COMP: variants seen among roughly 807,000 people sequenced by gnomAD.
The protein encoded by COMP is cartilage oligomeric matrix protein, also known as cartilage oligomeric matrix protein (pseudoachondroplasia, epiphyseal dysplasia 1, multiple).
COMP carries 79 observed loss-of-function variants against 95.8 expected under a neutral mutation model. That is an observed-to-expected ratio of 0.82 (90% confidence interval 0.69 to 0.99). COMP has a LOEUF of 0.99. Among genes scored for constraint, COMP ranks in the 50% least tolerant of loss-of-function variants. The pLI is 0.00. For synonymous variants in COMP, 438 were observed against 433.9 expected (o/e 1.01, Z -0.12); for missense variants, 906 against 1,076.1 (o/e 0.84, Z 2.21).
chr19:18,789,090 A>T lies in COMP; in HGVS notation c.528+70T>A. On this transcript the variant is annotated intron_variant, in intron 5 of 18. Coordinates refer to ENST00000222271, the MANE Select transcript of COMP (RefSeq NM_000095.3). This position sits in a 1 kb window ranked among gnomAD's most constrained non-coding sequence, Gnocchi z 6.1. ...CCCGCTGGAAGGAGGCTGGAAGAGG[A>T]GTTTACTGGTAAACAAAATGGACGC... The T allele has an allele frequency of 6.4e-7, 1 of 1,562,312 alleles. No individual in the cohort carries two copies. The highest frequency in any genetic ancestry group is 1.4e-5 in the African/African-American group (1 of 73,718).
Position 18,784,783 on chromosome 19 carries a change from G to T in COMP, c.1914+113C>A. On this transcript the variant is annotated intron_variant, in intron 16 of 18. Transcript: ENST00000222271. The surrounding 1 kb of genome is among the most constrained non-coding windows in gnomAD (Gnocchi z 4.9). ...AGAGGAGGGCTGGGACAGCTTTGAG[G>T]TCCATAGTATGAGGCTAGGGGGCTG... The T allele has an allele frequency of 8.3e-7, 1 of 1,198,762 alleles. No homozygotes were observed. The highest frequency in any genetic ancestry group is 1.2e-6 in the Non-Finnish European group (1 of 822,680). 74.3% of individuals were successfully genotyped at this position (1,198,762 alleles called of 1,614,324 possible). A position where few individuals can be genotyped will look rare whatever the true frequency, so the allele number is the denominator to read the frequency against.
chr19:18,784,560 G>A lies in COMP; in HGVS notation c.1915-197C>T, dbSNP rs55780333. Among the ~76,000 whole-genome samples, 11,636 of 152,196 alleles carry A rather than the reference G, an allele frequency of 0.076. 540 individuals are homozygous for A. Among genetic ancestry groups the A allele is most frequent in the Admixed American group, 0.11 (1,683 of 15,288 alleles). On this transcript the variant is annotated intron_variant, in intron 16 of 18. Coordinates refer to ENST00000222271, the MANE Select transcript of COMP (RefSeq NM_000095.3). This position sits in a 1 kb window ranked among gnomAD's most constrained non-coding sequence, Gnocchi z 4.9. ...TCACAGGGGGCAGCAGTGGTCTGCA[G>A]GTTCATGAGAGGATTTGGGAGTCCG...
In COMP at chr19:18,789,289, GGC is replaced by G. The variant is rs2145904172; in HGVS notation, c.397_398del (p.Ala133ProfsTer52). Reference protein sequence around the residue: ...SHCTDVNECNAHPCFPRVRCI... With the variant: ...SHCTDVNECNXHPCFPRVRCI... ...AGCGGACTCGGGGGAAGCAGGGGTGGGCGTTGCACTGGGGGAGGAGGGGCCAC... is the reference window on the plus strand; with the variant it reads ...AGCGGACTCGGGGGAAGCAGGGGTGGGTTGCACTGGGGGAGGAGGGGCCAC... On this transcript the variant is annotated frameshift_variant, in exon 5 of 19. Transcript: ENST00000222271. LOFTEE classifies it high-confidence loss of function. This position sits in a 1 kb window ranked among gnomAD's most constrained non-coding sequence, Gnocchi z 6.1. 6.7e-7 allele frequency: 1 copy of G among 1,493,010 alleles called. No individual in the cohort carries two copies. The highest frequency in any genetic ancestry group is 8.9e-7 in the Non-Finnish European group (1 of 1,124,278). The allele number at this position is 1,493,010 out of a possible 1,614,324, so 92.5% of individuals were successfully genotyped here.
At chr19:18,786,491 A>G in intron 11 of COMP, 41 bp downstream of exon 11, 1 of 1,573,880 alleles carries the variant, frequency 6.4e-7, no homozygotes, top group East Asian at 2.2e-5. Flanking sequence ...CTTGCAGTTC[A>G]CCCAGAGGGC....
Position 18,782,965 on chromosome 19 carries a change from CAGGGAG to C in COMP, c.2228-10_2228-5del, listed in dbSNP as rs772102125. The C allele has an allele frequency of 6.2e-7, 1 of 1,612,726 alleles. No individual in the cohort carries two copies. The highest frequency in any genetic ancestry group is 8.5e-7 in the Non-Finnish European group (1 of 1,179,990). On this transcript the variant is annotated splice_polypyrimidine_tract_variant and splice_region_variant and intron_variant, in intron 18 of 18. Transcript: ENST00000222271. The stretch of plus-strand genomic sequence containing the variant: ...TCATAGTCCTCTGGGATGGTGTCTG[CAGGGAG>C]AGGGCAGGCGGGTGAGGGCTGAGAA...
chr19:18,789,153 C>T lies in COMP; in HGVS notation c.528+7G>A. The stretch of plus-strand genomic sequence containing the variant: ...TGCTCCAAAAATGGGGCCCCCACAC[C>T]TCTCACCTGCTTGTTGGCCTTGGCG... On this transcript the variant is annotated splice_region_variant and intron_variant, in intron 5 of 18. Transcript: ENST00000222271. The surrounding 1 kb of genome is among the most constrained non-coding windows in gnomAD (Gnocchi z 6.1). The T allele has an allele frequency of 6.3e-7, 1 of 1,586,010 alleles. No homozygotes were observed. Among genetic ancestry groups the T allele is most frequent in the Non-Finnish European group, 8.6e-7 (1 of 1,169,360 alleles).
At chr19:18,786,469 T>C in intron 11 of COMP, 63 bp downstream of exon 11, 1 of 1,544,354 alleles carries the variant, frequency 6.5e-7, no homozygotes, top group Non-Finnish European at 9.0e-7. Flanking sequence ...GGCTGTGGGC[T>C]GGGTAATCCA....
Position 18,788,946 on chromosome 19 carries a change from A to G in COMP, c.529-33T>C, listed in dbSNP as rs1276368939. ...AGGGGAACTCAGAGGTCACCACCCC[A>G]CGCAGACACCTCCGGACCTCCCACC... On this transcript the variant is annotated intron_variant, in intron 5 of 18. Coordinates refer to ENST00000222271, the MANE Select transcript of COMP (RefSeq NM_000095.3). This position sits in a 1 kb window ranked among gnomAD's most constrained non-coding sequence, Gnocchi z 4.7. 1 of 1,608,114 alleles carries G rather than the reference A, an allele frequency of 6.2e-7. No individual in the cohort carries two copies. The highest frequency in any genetic ancestry group is 1.7e-5 in the Admixed American group (1 of 59,676).
Position 18,788,446 on chromosome 19 carries a change from G to A in COMP, c.831C>T (p.Asp277=). The change falls in exon 8 of 19, where the codon GAC becomes GAT. Residue 277 remains aspartate (D), a synonymous_variant. Coordinates refer to ENST00000222271, the MANE Select transcript of COMP (RefSeq NM_000095.3). The surrounding 1 kb of genome is among the most constrained non-coding windows in gnomAD (Gnocchi z 4.7). ...GRDTDLDGFP[D]EKLRCPERQC... ...GGCGCTCCGGGCAGCGCAGCTTCTC[G>A]TCCGGGAAGCCGTCTAGGTCAGTGT... 2 of 1,597,744 alleles carry A rather than the reference G, an allele frequency of 1.3e-6. No individual in the cohort carries two copies. Among genetic ancestry groups the A allele is most frequent in the Non-Finnish European group, 1.7e-6 (2 of 1,172,322 alleles).
In COMP at chr19:18,784,418, T is replaced by A; in HGVS notation, c.1915-55A>T. On this transcript the variant is annotated intron_variant, in intron 16 of 18. Transcript: ENST00000222271. This position sits in a 1 kb window ranked among gnomAD's most constrained non-coding sequence, Gnocchi z 4.9. ...ACCTCGTGGGCCACCGGAGCCCCCC[T>A]AGACACCTTCCTGGAGAGACAGTTG... The A allele has an allele frequency of 6.2e-7, 1 of 1,600,634 alleles. No individual in the cohort carries two copies. Among genetic ancestry groups the A allele is most frequent in the Non-Finnish European group, 8.6e-7 (1 of 1,169,584 alleles).
chr19:18,790,497 C>G, intron 3 of COMP, 65 bp downstream of exon 3: 1 of 1,596,608 alleles, frequency 6.3e-7, no homozygotes, highest in South Asian at 1.1e-5. Context: ...CCCTGGCTCT[C>G]TGTCTCTGTC....
chr19:18,787,168 G>C (rs2055173402), intron 10 of COMP: 1 of 476,694 alleles, frequency 2.1e-6, no homozygotes, highest in African/African-American at 2.0e-5. Flanking sequence ...GCCCGTGTGT[G>C]CCACCCTGAG....
Position 18,788,954 on chromosome 19 carries a change from ACCTCCGGACCTCCCACCT to A in COMP, c.529-59_529-42del. The A allele has an allele frequency of 2.5e-6, 4 of 1,598,824 alleles. No homozygotes were observed. The South Asian group carries it at 4.5e-5, about 18-fold the overall frequency. On this transcript the variant is annotated intron_variant, in intron 5 of 18. Transcript: ENST00000222271. The surrounding 1 kb of genome is among the most constrained non-coding windows in gnomAD (Gnocchi z 4.7). ...TCAGAGGTCACCACCCCACGCAGAC[ACCTCCGGACCTCCCACCT>A]CCTCCACACTTCCTCCGCATCCTGC...
Position 18,791,213 on chromosome 19 carries a change from G to A in COMP, c.57C>T (p.Ser19=), listed in dbSNP as rs752956065. The A allele has an allele frequency of 1.9e-6, 3 of 1,592,790 alleles. No individual in the cohort carries two copies. The highest frequency in any genetic ancestry group is 1.1e-5 in the South Asian group (1 of 87,540). The stretch of plus-strand genomic sequence containing the variant: ...TACCCAACGGGCTCTGGCCCTGTCC[G>A]GACGCGCCGAGGGCAGCCAGGGTGA... ...LLLTLAALGA[S]GQGQSPLGSD... Residue 19 remains serine, a synonymous_variant, in exon 1 of 19, where the codon TCC becomes TCT. Coordinates refer to ENST00000222271, the MANE Select transcript of COMP (RefSeq NM_000095.3).
At position 18,783,159 on chromosome 19, in the gene COMP, C is replaced by T. The variant is rs771292272; in HGVS notation, c.2122G>A (p.Asp708Asn). 19 of 1,609,640 alleles carry T rather than the reference C, an allele frequency of 1.2e-5. No homozygotes were observed. Among genetic ancestry groups the T allele is most frequent in the South Asian group, 2.2e-5 (2 of 91,088 alleles). Residue 708 changes from aspartate to asparagine, a missense_variant, in exon 18 of 19, where the codon GAC becomes AAC. Asp to Asn is a conservative substitution (Grantham distance 23). Coordinates refer to ENST00000222271, the MANE Select transcript of COMP (RefSeq NM_000095.3). ...RFYEGPELVA[D>N]SNVVLDTTMR... Reference sequence around the variant, plus strand: ...GTTGTGTCCAAGACCACGTTGCTGTCGGCCACCAGCTCAGGGCCCTCATAG... The same window carrying T: ...GTTGTGTCCAAGACCACGTTGCTGTTGGCCACCAGCTCAGGGCCCTCATAG...
chr19:18,788,667 G>A lies in COMP; in HGVS notation c.687C>T (p.Cys229=), dbSNP rs571462337. 1 of 1,544,236 alleles carries A rather than the reference G, an allele frequency of 6.5e-7. No homozygotes were observed. The highest frequency in any genetic ancestry group is 1.2e-5 in the South Asian group (1 of 83,960). Residue 229 remains cysteine (C), a synonymous_variant, in exon 7 of 19, where the codon TGC becomes TGT. Transcript: ENST00000222271. This position sits in a 1 kb window ranked among gnomAD's most constrained non-coding sequence, Gnocchi z 4.7. ...GGCACTCGCTGGGCGAGCCGTCGGGGCAGAAGCGCTGTGCGCGCCGCTGGC... is the reference window on the plus strand; with the variant it reads ...GGCACTCGCTGGGCGAGCCGTCGGGACAGAAGCGCTGTGCGCGCCGCTGGC... ...SGCQRRAQRF[C]PDGSPSECHE... is the part of the protein sequence containing the mutation.
Position 18,786,309 on chromosome 19 carries a change from C to T in COMP, c.1255-18G>A, listed in dbSNP as rs758804491. The stretch of plus-strand genomic sequence containing the variant: ...ACATCCGCCTGCGGAGGGCAGCATG[C>T]GGGGGTCCATAATCAGACAGAGGAA... On this transcript the variant is annotated intron_variant, in intron 11 of 18. Transcript: ENST00000222271. 1.5e-5 allele frequency: 25 copies of T among 1,613,724 alleles called. No individual in the cohort carries two copies. The highest frequency in any genetic ancestry group is 1.6e-4 in the Middle Eastern group (1 of 6,062).
In COMP at chr19:18,786,650, C is replaced by T. The variant is rs762207370; in HGVS notation, c.1136G>A (p.Arg379Gln). 1.4e-5 allele frequency: 22 copies of T among 1,612,788 alleles called. No individual in the cohort carries two copies. The highest frequency in any genetic ancestry group is 1.9e-5 in the Non-Finnish European group (22 of 1,179,182). ...GCAGTTGTCGGCCTGGTTGCGGATC[C>T]CTGCAGAAATCCACGGGACCAGAGC... is the stretch of plus-strand genomic sequence containing the variant. ...DACDDDIDGD[R>Q]IRNQADNCPR... is the part of the protein sequence containing the mutation. Residue 379 changes from arginine to glutamine, a missense_variant and splice_region_variant, in exon 11 of 19, where the codon CGG becomes CAG. Transcript: ENST00000222271.
Position 18,784,202 on chromosome 19 carries a change from C to T in COMP, c.2076G>A (p.Val692=). 1 of 1,613,672 alleles carries T rather than the reference C, an allele frequency of 6.2e-7. No individual in the cohort carries two copies. Among genetic ancestry groups the T allele is most frequent in the Non-Finnish European group, 8.5e-7 (1 of 1,180,032 alleles). Residue 692 remains valine (V), a synonymous_variant, in exon 17 of 19, where the codon GTG becomes GTA. Transcript: ENST00000222271. The surrounding 1 kb of genome is among the most constrained non-coding windows in gnomAD (Gnocchi z 4.9). ...GGTGGAGTCCCCACCTGATGTAGCC[C>T]ACTTGGGGCCGGTGCTGCAGGAACC... ...YRWFLQHRPQ[V]GYIRVRFYEG... is the part of the protein sequence containing the mutation.
Sources: allele counts gnomAD v4.1 joint callset (sites outside exome capture counted in the v4.1 genomes callset), GRCh38; gene constraint gnomAD v4.1.1; non-coding constraint Gnocchi (gnomAD v3.1); transcripts MANE v1.5; gene names NCBI Gene and HGNC (gene_info 2026-07-23, HGNC 2026-07-21).